GKAP1: variants seen among roughly 807,000 people sequenced by gnomAD.
The protein encoded by GKAP1 is G kinase anchoring protein 1.
GKAP1 carries 31 observed loss-of-function variants against 56.7 expected under a neutral mutation model. That is an observed-to-expected ratio of 0.55 (90% CI 0.41 to 0.74). The LOEUF (loss-of-function observed/expected upper bound fraction) is 0.74. GKAP1 is among the 30% of genes least tolerant of loss of function. GKAP1 has a pLI of 0.00. For missense variants in GKAP1, 364 were observed against 402.3 expected (o/e 0.90, Z 0.82); for synonymous variants, 151 against 138.6 (o/e 1.09, Z -0.63).
In GKAP1 at chr9:83,748,373, C is replaced by A; in HGVS notation, c.841-1G>T. The A allele has an allele frequency of 6.5e-7, 1 of 1,529,864 alleles. No homozygotes were observed. The highest frequency in any genetic ancestry group is 1.2e-5 in the South Asian group (1 of 80,798). 94.8% of individuals were successfully genotyped at this position (1,529,864 alleles called of 1,614,324 possible). ...TTGCCTTTACTTCCTTATACTTTGCCTAATAGTCAAAGAAAAAAGATTTAG... is the reference window on the plus strand; with the variant it reads ...TTGCCTTTACTTCCTTATACTTTGCATAATAGTCAAAGAAAAAAGATTTAG... On this transcript the variant is annotated splice_acceptor_variant, in intron 9 of 12. Coordinates refer to ENST00000376371, the MANE Select transcript of GKAP1 (RefSeq NM_025211.4). LOFTEE classifies it high-confidence loss of function.
At chr9:83,753,391 T>C (rs775260457) in intron 8 of GKAP1, 32 bp from the exon 9 acceptor site, 5 of 1,298,904 alleles carry the variant, frequency 3.8e-6, no homozygotes, top group East Asian at 2.3e-5. Flanking sequence ...TTTAGGACTT[T>C]GATTATTCCG....
chr9:83,793,479 CAT>C (rs759860848), intron 4 of GKAP1, among the ~76,000 whole-genome samples: 22 of 152,276 alleles, frequency 1.4e-4, no homozygotes, highest in Middle Eastern at 3.4e-3. Context: ...ACAAAAATGA[CAT>C]ATATAATTCA....
chr9:83,784,127 C>T (rs759094528), intron 6 of GKAP1, among the ~76,000 whole-genome samples: 23 of 151,704 alleles, frequency 1.5e-4, no homozygotes, highest in Non-Finnish European at 3.2e-4. Flanking sequence ...ACTAGTTGGG[C>T]ATGGTGGCAT....
chr9:83,742,677 C>T, intron 10 of GKAP1, 77 bp from the exon 11 acceptor site: 1 of 798,304 alleles, frequency 1.3e-6, no homozygotes, highest in Non-Finnish European at 2.1e-6. Flanking sequence ...GGAACTAAGA[C>T]ATAGCAGTGC....
At chr9:83,758,714 A>T (rs1943518323) in intron 8 of GKAP1, among the ~76,000 whole-genome samples, 1 of 151,444 alleles carries the variant, frequency 6.6e-6, no homozygotes, top group African/African-American at 2.4e-5. Context: ...GCACTACAGA[A>T]CTCCAGCCAG....
At chr9:83,747,892 C>T (rs919279988) in intron 10 of GKAP1, among the ~76,000 whole-genome samples, 4 of 152,300 alleles carry the variant, frequency 2.6e-5, no homozygotes, top group Non-Finnish European at 4.4e-5. Flanking sequence ...CCACCTTGGC[C>T]TCCCAAAGTG....
At chr9:83,801,053 T>A (rs1040268424) in intron 3 of GKAP1, among the ~76,000 whole-genome samples, 2 of 152,226 alleles carry the variant, frequency 1.3e-5, no homozygotes, top group African/African-American at 4.8e-5. Context: ...TGACCTTATT[T>A]GGAAATTGGG....
rs78952661 is a variant in GKAP1 at position 83,802,040 on chromosome 9, C to G, written c.217-2712G>C. 2.9e-3 allele frequency among the ~76,000 whole-genome samples: 444 copies of G among 152,234 alleles called. 13 individuals carry two copies. The East Asian group carries it at 0.077, about 26-fold the overall frequency. On this transcript the variant is annotated intron_variant, in intron 3 of 12. Transcript: ENST00000376371. ...ATAAAAAGAAAGGTCCTTATATACC[C>G]AACGGCTCCTTCTATTAAACAAAAC...
chr9:83,804,145 C>T (rs1486264464), intron 3 of GKAP1, among the ~76,000 whole-genome samples: 1 of 144,656 alleles, frequency 6.9e-6, no homozygotes, highest in Non-Finnish European at 1.5e-5. Context: ...CCCCGCACGG[C>T]CAGCCGCCCC....
intron 11 of GKAP1, among the ~76,000 whole-genome samples, 176 bp from the exon 12 acceptor site, chr9:83,742,205 T>C (rs915772043): frequency 3.3e-5 from 5 of 152,142 alleles, no homozygotes; most frequent in African/African-American, 9.7e-5. Context: ...TGGGGCAAAC[T>C]GTCCTGAGAG....
intron 3 of GKAP1, among the ~76,000 whole-genome samples, chr9:83,803,969 T>C (rs1162613920): frequency 7.7e-6 from 1 of 130,164 alleles, no homozygotes; most frequent in Non-Finnish European, 1.6e-5. Flanking sequence ...GTGAGGAGCG[T>C]CTCTGCCCAG....
chr9:83,771,167 A>G (rs1385099637), intron 7 of GKAP1, among the ~76,000 whole-genome samples: 1 of 152,102 alleles, frequency 6.6e-6, no homozygotes, highest in African/African-American at 2.4e-5. Context: ...GGTTCAAGCG[A>G]TTCTTGTGCC....
At chr9:83,741,468 TAG>T (rs1181186473) in intron 12 of GKAP1, among the ~76,000 whole-genome samples, 1 of 151,886 alleles carries the variant, frequency 6.6e-6, no homozygotes, top group Non-Finnish European at 1.5e-5. Context: ...GAAGAAATGA[TAG>T]AGTTAGAAAA....
At chr9:83,811,145 G>A (rs547399557) in intron 2 of GKAP1, among the ~76,000 whole-genome samples, 4 of 152,226 alleles carry the variant, frequency 2.6e-5, no homozygotes, top group Admixed American at 6.5e-5. Flanking sequence ...AATGTGCCAT[G>A]AGGCGCTATG....
chr9:83,764,756 G>T (rs928084352), intron 8 of GKAP1, among the ~76,000 whole-genome samples: 3 of 152,176 alleles, frequency 2.0e-5, no homozygotes, highest in African/African-American at 7.2e-5. Context: ...CTTTAGCAAA[G>T]AAACTGGTAG....
intron 10 of GKAP1, among the ~76,000 whole-genome samples, chr9:83,746,069 G>A (rs1440939648): frequency 6.6e-6 from 1 of 152,000 alleles, no homozygotes; most frequent in East Asian, 1.9e-4. Flanking sequence ...GGGATTATAG[G>A]CATGAGCCAC....
At chr9:83,794,838 G>C (rs1271925362) in intron 4 of GKAP1, among the ~76,000 whole-genome samples, 2 of 152,154 alleles carry the variant, frequency 1.3e-5, no homozygotes, top group Non-Finnish European at 2.9e-5. Flanking sequence ...TATGTTTCTT[G>C]ATCTTGATTT....
chr9:83,761,123 A>C (rs921768052), intron 8 of GKAP1, among the ~76,000 whole-genome samples: 9 of 151,762 alleles, frequency 5.9e-5, no homozygotes, highest in East Asian at 1.9e-4. Flanking sequence ...TTGAAAAAAA[A>C]CCTAAAAATT....
chr9:83,796,483 T>A (rs1410397369), intron 4 of GKAP1, among the ~76,000 whole-genome samples: 1 of 152,166 alleles, frequency 6.6e-6, no homozygotes, highest in Non-Finnish European at 1.5e-5. Flanking sequence ...TTTTTTTGTT[T>A]TTTTGAGATG....
Sources: gnomAD v4.1 joint callset for allele counts (sites outside exome capture counted in the v4.1 genomes callset) on GRCh38, gnomAD v4.1.1 for gene constraint, MANE v1.5 for transcripts, NCBI Gene and HGNC (gene_info 2026-07-23, HGNC 2026-07-21) for gene names.